Variants in IL1RAPL1 observed in about 807,000 individuals in gnomAD.
IL1RAPL1 encodes the protein interleukin-1 receptor accessory protein-like 1.
Under a neutral mutation model 48.4 loss-of-function variants are expected in IL1RAPL1, and 3 were observed. The ratio of observed to expected loss-of-function variants is 0.06; its 90% confidence interval spans 0.03 to 0.16. The LOEUF is 0.16. IL1RAPL1 is among the 10% of genes least tolerant of loss of function. IL1RAPL1 has a pLI of 1.00. For missense variants in IL1RAPL1, 349 were observed against 530.6 expected (o/e 0.66, Z 3.36); for synonymous variants, 185 against 187.7 (o/e 0.99, Z 0.12).
chrX:28,881,545 T>G (rs775931271), intron 2 of IL1RAPL1, among the ~76,000 whole-genome samples: 1 of 112,037 alleles, frequency 8.9e-6, no homozygotes, highest in Admixed American at 9.5e-5. Context: ...CTAATGAGTT[T>G]TTATTTCTGT....
intron 2 of IL1RAPL1, among the ~76,000 whole-genome samples, chrX:28,964,044 G>T (rs1380872499): frequency 9.0e-6 from 1 of 111,170 alleles, no homozygotes; most frequent in Non-Finnish European, 1.9e-5. Context: ...CTAGGAAATT[G>T]TTTATGAGTG....
At chrX:29,459,509 A>G (rs1452652244) in intron 5 of IL1RAPL1, among the ~76,000 whole-genome samples, 13 of 111,464 alleles carry the variant, frequency 1.2e-4, no homozygotes, top group Non-Finnish European at 2.1e-4. Context: ...AAGGGACTGT[A>G]AACAAGCGAG....
chrX:29,429,260 T>A (rs915286156), intron 5 of IL1RAPL1, among the ~76,000 whole-genome samples: 2 of 112,109 alleles, frequency 1.8e-5, no homozygotes, highest in African/African-American at 6.5e-5. Flanking sequence ...TAAGTAGCAG[T>A]CTGTCTGTTC....
intron 5 of IL1RAPL1, among the ~76,000 whole-genome samples, chrX:29,476,233 G>C (rs1318982813): frequency 9.0e-6 from 1 of 111,717 alleles, no homozygotes; most frequent in Non-Finnish European, 1.9e-5. Context: ...TATAACCAGA[G>C]ACAAGATGGC....
chrX:29,652,831 T>C (rs1280796627), intron 5 of IL1RAPL1, among the ~76,000 whole-genome samples: 1 of 111,919 alleles, frequency 8.9e-6, no homozygotes, highest in African/African-American at 3.2e-5. Flanking sequence ...TAAGTGACCA[T>C]TATTTTAAGC....
At chrX:28,590,846 C>T (rs529133270) in intron 1 of IL1RAPL1, among the ~76,000 whole-genome samples, 3 of 112,185 alleles carry the variant, frequency 2.7e-5, no homozygotes, top group African/African-American at 9.7e-5. Context: ...TACAAAAAGA[C>T]ACTGGTTGTG....
intron 6 of IL1RAPL1, among the ~76,000 whole-genome samples, chrX:29,766,391 T>TTA (rs1219172678): frequency 9.5e-5 from 9 of 95,163 alleles, no homozygotes; most frequent in Non-Finnish European, 1.4e-4. Context: ...ATAGATATTT[T>TTA]TATATATATA....
chrX:29,241,652 G>C (rs999000231), intron 2 of IL1RAPL1, among the ~76,000 whole-genome samples: 38 of 111,756 alleles, frequency 3.4e-4, no homozygotes, highest in Non-Finnish European at 6.2e-4. Context: ...GAGCTAAAAA[G>C]GGCTTTTATG....
At chrX:28,642,307 C>T (rs753816152) in intron 1 of IL1RAPL1, among the ~76,000 whole-genome samples, 1 of 111,631 alleles carries the variant, frequency 9.0e-6, no homozygotes, top group African/African-American at 3.3e-5. Flanking sequence ...CTGGAACAAG[C>T]AGACCTAATA....
chrX:29,922,285 T>C (rs1003893322), intron 8 of IL1RAPL1, among the ~76,000 whole-genome samples: 8 of 112,080 alleles, frequency 7.1e-5, no homozygotes, highest in African/African-American at 2.6e-4. Context: ...TTTTTTCCAG[T>C]AATATTTGAT....
rs1395242884 is a variant in IL1RAPL1, at chrX:29,833,220, C to T, written c.779-84244C>T. ...AATATTCAGATGACACATATATACA[C>T]ATATGCACACATGCACATGCATGTA... On this transcript the variant is annotated intron_variant, in intron 6 of 10. Transcript: ENST00000378993. Among the ~76,000 whole-genome samples the T allele has an allele frequency of 5.8e-4, 65 of 111,722 alleles. No individual in the cohort carries two copies. The Admixed American group carries it at 6.1e-3, about 10-fold the overall frequency.
intron 5 of IL1RAPL1, among the ~76,000 whole-genome samples, chrX:29,579,796 C>A (rs1287791703): frequency 9.0e-6 from 1 of 111,707 alleles, no homozygotes; most frequent in Non-Finnish European, 1.9e-5. Context: ...TGTGCTCAGA[C>A]CAAGATTTGT....
rs771114611 is a variant in IL1RAPL1 at position 29,730,687 on chromosome X, A to G, written c.778+62183A>G. 8.0e-5 allele frequency among the ~76,000 whole-genome samples: 9 copies of G among 112,286 alleles called. No homozygotes were observed. In the South Asian group the frequency reaches 3.4e-3, roughly 42 times the overall value. On this transcript the variant is annotated intron_variant, in intron 6 of 10. Transcript: ENST00000378993. ...AGTTAGGCCAGCAGTCATGAACACTATGCTACAAACACCAGATAAGAACTT... is the reference window on the plus strand; with the variant it reads ...AGTTAGGCCAGCAGTCATGAACACTGTGCTACAAACACCAGATAAGAACTT...
intron 5 of IL1RAPL1, among the ~76,000 whole-genome samples, chrX:29,402,491 A>G: frequency 8.9e-6 from 1 of 112,061 alleles, no homozygotes; most frequent in Non-Finnish European, 1.9e-5. Flanking sequence ...TTTATTTTTT[A>G]AATAAGCATT....
intron 1 of IL1RAPL1, among the ~76,000 whole-genome samples, chrX:28,633,448 T>C (rs1255781253): frequency 1.8e-5 from 2 of 111,801 alleles, no homozygotes; most frequent in East Asian, 5.6e-4. Context: ...TTTGTGCTAA[T>C]AATAGTAAAT....
intron 2 of IL1RAPL1, among the ~76,000 whole-genome samples, chrX:28,838,570 T>G (rs968885221): frequency 9.0e-6 from 1 of 110,847 alleles, no homozygotes; most frequent in African/African-American, 3.3e-5. Context: ...AAAGGAGTCT[T>G]GGTGAAGGCA....
At chrX:28,999,555 T>C (rs1925800089) in intron 2 of IL1RAPL1, among the ~76,000 whole-genome samples, 1 of 111,871 alleles carries the variant, frequency 8.9e-6, no homozygotes, top group Non-Finnish European at 1.9e-5. Context: ...TCTTTTTTAT[T>C]CTGACCCCAC....
intron 6 of IL1RAPL1, among the ~76,000 whole-genome samples, chrX:29,884,133 C>G (rs1011654160): frequency 3.6e-5 from 4 of 111,818 alleles, no homozygotes; most frequent in African/African-American, 1.3e-4. Flanking sequence ...TCATGATTGA[C>G]GAGAGTAGTA....
chrX:29,130,506 G>A (rs1928997465), intron 2 of IL1RAPL1, among the ~76,000 whole-genome samples: 1 of 112,208 alleles, frequency 8.9e-6, no homozygotes, highest in Non-Finnish European at 1.9e-5. Flanking sequence ...CATGTTCACT[G>A]TTCACTTAGC....
Sources: gnomAD v4.1 joint callset for allele counts (sites outside exome capture counted in the v4.1 genomes callset) on GRCh38, gnomAD v4.1.1 for gene constraint, MANE v1.5 for transcripts, NCBI Gene and HGNC (gene_info 2026-07-23, HGNC 2026-07-21) for gene names.